PLCG2: variants seen among roughly 807,000 people sequenced by gnomAD.
The protein encoded by PLCG2 is phospholipase C gamma 2, also known as 1-phosphatidylinositol 4,5-bisphosphate phosphodiesterase gamma-2.
PLCG2 carries 69 observed loss-of-function variants against 175.6 expected under a neutral mutation model. The observed-to-expected ratio is 0.39, with a 90% CI of 0.32 to 0.48. The LOEUF (loss-of-function observed/expected upper bound fraction) is 0.48. Ranked by LOEUF, PLCG2 falls within the 20% of genes least tolerant of loss-of-function variation. The pLI is 0.91. For missense variants in PLCG2, 1,798 were observed against 1,650.9 expected (o/e 1.09, Z -1.54); for synonymous variants, 827 against 624.0 (o/e 1.33, Z -4.85).
chr16:81,889,830 G>T (rs1244792266), intron 10 of PLCG2, among the ~76,000 whole-genome samples: 4 of 152,052 alleles, frequency 2.6e-5, no homozygotes, highest in African/African-American at 9.6e-5. Flanking sequence ...AATTTTTTTT[G>T]TATTTTTAGT....
chr16:81,768,496 G>A (rs553079763), intron 2 of PLCG2, among the ~76,000 whole-genome samples: 3 of 144,894 alleles, frequency 2.1e-5, no homozygotes, highest in Non-Finnish European at 4.5e-5. Context: ...AGGCTGCACT[G>A]TTTTGCATTT....
Position 81,850,157 on chromosome 16 carries a change from A to T in PLCG2, c.194-4287A>T, listed in dbSNP as rs531550989. Reference sequence around the variant, plus strand: ...ATTTGTCTTCAAGTCTACTGTAAAAAGATTTGGAGAAAACTGGGGAAATTT... The same window carrying T: ...ATTTGTCTTCAAGTCTACTGTAAAATGATTTGGAGAAAACTGGGGAAATTT... On this transcript the variant is annotated intron_variant, in intron 2 of 32. Coordinates refer to ENST00000564138, the MANE Select transcript of PLCG2 (RefSeq NM_002661.5). Among the ~76,000 whole-genome samples the T allele has an allele frequency of 6.6e-5, 10 of 152,358 alleles. No homozygotes were observed. In the South Asian group the frequency reaches 2.1e-3, roughly 32 times the overall value.
intron 25 of PLCG2, among the ~76,000 whole-genome samples, chr16:81,933,427 G>C (rs948253810): frequency 6.6e-6 from 1 of 152,192 alleles, no homozygotes; most frequent in Non-Finnish European, 1.5e-5. Context: ...ACGGTCTGTA[G>C]CCACCTCATT....
At chr16:81,919,046 T>A (rs1438864766) in intron 19 of PLCG2, among the ~76,000 whole-genome samples, 1 of 152,216 alleles carries the variant, frequency 6.6e-6, no homozygotes, top group African/African-American at 2.4e-5. Context: ...ATGGTCTCTG[T>A]TGCAGCTACA....
chr16:81,935,521 A>G (rs968520450), intron 26 of PLCG2: 16 of 984,994 alleles, frequency 1.6e-5, no homozygotes, highest in African/African-American at 3.5e-5. Context: ...AGCTGCTTCC[A>G]TATCTTTCAT....
chr16:81,802,170 T>C (rs1911757272), intron 2 of PLCG2, among the ~76,000 whole-genome samples: 1 of 130,230 alleles, frequency 7.7e-6, no homozygotes, highest in Admixed American at 9.2e-5. Context: ...CAGAGTGCAG[T>C]GGCGCTATCT....
At chr16:81,847,527 C>T (rs2143449570) in intron 2 of PLCG2, among the ~76,000 whole-genome samples, 1 of 152,190 alleles carries the variant, frequency 6.6e-6, no homozygotes, top group South Asian at 2.1e-4. Flanking sequence ...CCCAGCCCTA[C>T]AAAAAGATAC....
intron 19 of PLCG2, among the ~76,000 whole-genome samples, chr16:81,913,658 A>C (rs193030511): frequency 6.6e-6 from 1 of 152,338 alleles, no homozygotes; most frequent in East Asian, 1.9e-4. Context: ...GCTTCTTGTG[A>C]AAAATGGGAG....
At chr16:81,804,918 C>G (rs923993744) in intron 2 of PLCG2, among the ~76,000 whole-genome samples, 2 of 152,196 alleles carry the variant, frequency 1.3e-5, no homozygotes, top group African/African-American at 2.4e-5. Flanking sequence ...ACTACAAGCT[C>G]ACATGTATCC....
At chr16:81,846,613 G>C (rs935039773) in intron 2 of PLCG2, among the ~76,000 whole-genome samples, 3 of 152,156 alleles carry the variant, frequency 2.0e-5, no homozygotes, top group African/African-American at 7.2e-5. Context: ...AGAACATCGG[G>C]CTTATGGCTA....
In PLCG2 at chr16:81,853,591, G is replaced by C. The variant is rs80346932; in HGVS notation, c.194-853G>C. Reference sequence around the variant, plus strand: ...ATGCGTAGTTCACCGTAGGGTTTGCGCCCCTATGAGAATCTGATGCCGCTG... The same window carrying C: ...ATGCGTAGTTCACCGTAGGGTTTGCCCCCCTATGAGAATCTGATGCCGCTG... On this transcript the variant is annotated intron_variant, in intron 2 of 32. Transcript: ENST00000564138. 8.3e-3 allele frequency among the ~76,000 whole-genome samples: 1,262 copies of C among 152,220 alleles called. 18 individuals are homozygous for C. Among genetic ancestry groups the C allele is most frequent in the African/African-American group, 0.03 (1,230 of 41,524 alleles).
intron 25 of PLCG2, among the ~76,000 whole-genome samples, chr16:81,933,472 A>G (rs1910586575): frequency 1.3e-5 from 2 of 152,114 alleles, no homozygotes; most frequent in African/African-American, 2.4e-5. Context: ...CCTTCTAGTT[A>G]GTGGGTTTCC....
chr16:81,809,160 A>G (rs1904297142), intron 2 of PLCG2, among the ~76,000 whole-genome samples: 1 of 152,160 alleles, frequency 6.6e-6, no homozygotes, highest in Non-Finnish European at 1.5e-5. Context: ...AAACTGTTGC[A>G]GACACTCTTG....
intron 24 of PLCG2, 117 bp from the exon 25 acceptor site, chr16:81,931,380 C>T: frequency 1.1e-6 from 1 of 904,094 alleles, no homozygotes. Flanking sequence ...TCAGTGCTAA[C>T]CGTGGTCATA....
intron 1 of PLCG2, among the ~76,000 whole-genome samples, chr16:81,746,318 G>C (rs1909704048): frequency 6.6e-6 from 1 of 152,200 alleles, no homozygotes; most frequent in African/African-American, 2.4e-5. Context: ...TTGAGTTTTC[G>C]CCCCCAGCAC....
chr16:81,818,504 T>G lies in PLCG2; in HGVS notation c.193+32322T>G, dbSNP rs7190882. On this transcript the variant is annotated intron_variant, in intron 2 of 32. Transcript: ENST00000564138. ...TGGGTGAATGCCATTCTTCCTCTGC[T>G]TGCATCTTGGGGATACTCATCGGCT... Among the ~76,000 whole-genome samples, 1,236 of 152,198 alleles carry G rather than the reference T, an allele frequency of 8.1e-3. 17 individuals are homozygous for G. The highest frequency in any genetic ancestry group is 0.029 in the African/African-American group (1,189 of 41,520).
chr16:81,921,184 C>CTT lies in PLCG2; in HGVS notation c.2236-6_2236-5dup. Reference sequence around the variant, plus strand: ...CATGGATTATTCCATTTCTTTCTTTCTTTTTTTTTCCAGGAAAGAGATATA... The same window carrying CTT: ...CATGGATTATTCCATTTCTTTCTTTCTTTTTTTTTTTCCAGGAAAGAGATATA... On this transcript the variant is annotated splice_polypyrimidine_tract_variant and intron_variant, in intron 20 of 32. Transcript: ENST00000564138. The CTT allele has an allele frequency of 6.7e-7, 1 of 1,496,898 alleles. No individual in the cohort carries two copies. Among genetic ancestry groups the CTT allele is most frequent in the Non-Finnish European group, 9.3e-7 (1 of 1,075,290 alleles). 92.7% of individuals were successfully genotyped at this position (1,496,898 alleles called of 1,614,324 possible). A position where few individuals can be genotyped will look rare whatever the true frequency, so the allele number is the denominator to read the frequency against.
intron 1 of PLCG2, 166 bp from the exon 2 acceptor site, chr16:81,785,777 C>A: frequency 1.9e-6 from 1 of 523,704 alleles, no homozygotes. Flanking sequence ...CCTTTGTGTC[C>A]TGCCTTAGCT....
intron 7 of PLCG2, among the ~76,000 whole-genome samples, chr16:81,872,719 C>A (rs890636376): frequency 6.6e-6 from 1 of 152,192 alleles, no homozygotes; most frequent in Non-Finnish European, 1.5e-5. Context: ...TTGGGGAGTA[C>A]CTGGAACTTG....
Sources: allele counts gnomAD v4.1 joint callset (sites outside exome capture counted in the v4.1 genomes callset), GRCh38; gene constraint gnomAD v4.1.1; transcripts MANE v1.5; gene names NCBI Gene and HGNC (gene_info 2026-07-23, HGNC 2026-07-21).